The following CCDC178 variants were observed in gnomAD, a reference collection of about 807,000 sequenced individuals.
The protein encoded by CCDC178 is coiled-coil domain-containing protein 178.
In CCDC178, 126 loss-of-function variants were observed where a neutral mutation model predicts 117.4. The ratio of observed to expected loss-of-function variants is 1.07; its 90% CI spans 0.93 to 1.24. The LOEUF (loss-of-function observed/expected upper bound fraction) is 1.24, where lower values mean the gene tolerates loss of function less well. Ranked by LOEUF, CCDC178 falls within the 50% of genes most tolerant of loss-of-function variation. CCDC178 has a pLI of 0.00. For synonymous variants in CCDC178, 283 were observed against 313.4 expected (o/e 0.90, Z 1.02); for missense variants, 1,030 against 986.9 (o/e 1.04, Z -0.59).
intron 6 of CCDC178, among the ~76,000 whole-genome samples, chr18:33,367,911 G>A (rs117597613): frequency 0.017 from 2,519 of 151,874 alleles, 43 homozygotes; most frequent in Non-Finnish European, 0.027. Context: ...GATAAAACTC[G>A]TATTTATTTA....
intron 21 of CCDC178, among the ~76,000 whole-genome samples, chr18:33,024,513 G>A (rs1386986278): frequency 1.3e-5 from 2 of 152,050 alleles, no homozygotes; most frequent in Non-Finnish European, 2.9e-5. Flanking sequence ...CCTCTTTAAA[G>A]GCTCTACCTC....
intron 10 of CCDC178, among the ~76,000 whole-genome samples, chr18:33,325,820 CTTAAGT>C (rs548137179): frequency 7.4e-4 from 112 of 152,158 alleles, no homozygotes; most frequent in Middle Eastern, 3.4e-3. Context: ...TCTAAATTTT[CTTAAGT>C]TTATTTGTTG....
chr18:33,271,768 G>A lies in CCDC178; in HGVS notation c.1177-4471C>T, dbSNP rs117945977. On this transcript the variant is annotated intron_variant, in intron 12 of 22. Transcript: ENST00000383096. ...TCAATAACACAAAGAAATAACAGAA[G>A]GAAATTCAAAACATATGGACATTAA... Among the ~76,000 whole-genome samples, 1,183 of 151,318 alleles carry A rather than the reference G, an allele frequency of 7.8e-3. 4 individuals carry two copies. Among genetic ancestry groups the A allele is most frequent in the Middle Eastern group, 0.014 (4 of 294 alleles).
chr18:33,075,611 C>G (rs938436643), intron 21 of CCDC178, among the ~76,000 whole-genome samples: 10 of 151,892 alleles, frequency 6.6e-5, no homozygotes, highest in African/African-American at 1.9e-4. Context: ...CTTTCTGTTC[C>G]CATCAGATAA....
chr18:33,390,820 T>C (rs1006763348), intron 4 of CCDC178, among the ~76,000 whole-genome samples: 7 of 151,780 alleles, frequency 4.6e-5, no homozygotes, highest in African/African-American at 1.7e-4. Context: ...AATAAAAAAA[T>C]TGTTTTACTC....
intron 15 of CCDC178, among the ~76,000 whole-genome samples, chr18:33,228,222 G>A (rs2059331042): frequency 6.6e-6 from 1 of 152,140 alleles, no homozygotes; most frequent in African/African-American, 2.4e-5. Flanking sequence ...GTGAAGAATG[G>A]TAAGCAAAGT....
At chr18:33,424,502 G>A (rs1286660083) in intron 2 of CCDC178, among the ~76,000 whole-genome samples, 2 of 152,178 alleles carry the variant, frequency 1.3e-5, no homozygotes, top group East Asian at 3.9e-4. Context: ...ATTTGTGTAA[G>A]TTCATACTTG....
At chr18:33,306,812 G>A (rs1174945490) in intron 11 of CCDC178, among the ~76,000 whole-genome samples, 2 of 151,922 alleles carry the variant, frequency 1.3e-5, no homozygotes, top group African/African-American at 2.4e-5. Context: ...GACTAGGTGA[G>A]AGGTAATTTA....
rs960857033 is a variant in CCDC178, at chr18:33,170,906, A to G, written c.2238+40990T>C. Among the ~76,000 whole-genome samples the G allele has an allele frequency of 2.4e-4, 36 of 151,898 alleles. 1 individual carries two copies. The highest frequency in any genetic ancestry group is 8.7e-4 in the African/African-American group (36 of 41,364). ...TTTATTCATCTTATAGTAGCACATT[A>G]TTTTCTAGAAAAAAATACTGTTTCT... On this transcript the variant is annotated intron_variant, in intron 20 of 22. Transcript: ENST00000383096.
At chr18:33,047,814 G>A (rs748969167) in intron 21 of CCDC178, among the ~76,000 whole-genome samples, 3 of 152,008 alleles carry the variant, frequency 2.0e-5, no homozygotes, top group East Asian at 1.9e-4. Context: ...GTTCTAAGTC[G>A]AGTGATTTGT....
chr18:33,096,579 A>G (rs978388555), intron 20 of CCDC178, among the ~76,000 whole-genome samples: 6 of 151,882 alleles, frequency 4.0e-5, no homozygotes, highest in African/African-American at 1.4e-4. Flanking sequence ...CTGTATTGTA[A>G]CTGAATGTAA....
chr18:32,995,372 TA>T (rs1459968499), intron 21 of CCDC178, among the ~76,000 whole-genome samples: 2 of 152,192 alleles, frequency 1.3e-5, no homozygotes, highest in Non-Finnish European at 2.9e-5. Flanking sequence ...TATAATTTTT[TA>T]TTAAATCAAT....
At chr18:33,076,696 G>C (rs2057213665) in intron 21 of CCDC178, among the ~76,000 whole-genome samples, 1 of 152,140 alleles carries the variant, frequency 6.6e-6, no homozygotes, top group Non-Finnish European at 1.5e-5. Context: ...GTGTGTGAGG[G>C]GGAGGAGGCG....
chr18:32,988,368 G>A (rs1349490677), intron 21 of CCDC178, among the ~76,000 whole-genome samples: 2 of 151,358 alleles, frequency 1.3e-5, no homozygotes, highest in Admixed American at 6.6e-5. Flanking sequence ...CCCAGGAGGC[G>A]GAGGTTGCAG....
intron 9 of CCDC178, among the ~76,000 whole-genome samples, chr18:33,333,706 T>A (rs984619879): frequency 6.6e-6 from 1 of 151,738 alleles, no homozygotes; most frequent in Non-Finnish European, 1.5e-5. Flanking sequence ...GAGATGGGGT[T>A]TCTCCATGTT....
rs1393545612 is a variant in CCDC178 at position 32,953,605 on chromosome 18, T to C, written c.2524-15514A>G. 3.3e-5 allele frequency among the ~76,000 whole-genome samples: 5 copies of C among 152,170 alleles called. No homozygotes were observed. The East Asian group carries it at 9.6e-4, about 29-fold the overall frequency. ...GAACTCATCTTTGACACTCAAAAAG[T>C]AGTTGGTTACCAAAGTTAAAAATGA... On this transcript the variant is annotated intron_variant, in intron 22 of 22. Transcript: ENST00000383096.
At chr18:33,440,114 A>G (rs1387515052) in intron 1 of CCDC178, 33 bp from the exon 2 acceptor site, 4 of 152,174 alleles carry the variant, frequency 2.6e-5, no homozygotes, top group Admixed American at 1.3e-4. Context: ...AAAGAAATCA[A>G]TAACAGTTCA....
intron 18 of CCDC178, among the ~76,000 whole-genome samples, chr18:33,219,436 A>G (rs1259810901): frequency 1.3e-5 from 2 of 152,190 alleles, no homozygotes; most frequent in Non-Finnish European, 2.9e-5. Context: ...GTATATACCC[A>G]AAGGATTATA....
intron 7 of CCDC178, among the ~76,000 whole-genome samples, chr18:33,354,990 CTTAG>C (rs2063034382): frequency 6.6e-6 from 1 of 152,066 alleles, no homozygotes; most frequent in African/African-American, 2.4e-5. Context: ...TCTGCTTTAA[CTTAG>C]TTATTTGTTC....
Sources: gnomAD v4.1 joint callset for allele counts (sites outside exome capture counted in the v4.1 genomes callset) on GRCh38, gnomAD v4.1.1 for gene constraint, MANE v1.5 for transcripts, NCBI Gene and HGNC (gene_info 2026-07-23, HGNC 2026-07-21) for gene names.